The following EXD1 variants were observed in gnomAD, a reference collection of about 807,000 sequenced individuals.
EXD1 encodes the protein exonuclease 3'-5' domain containing 1, also known as piRNA biogenesis protein EXD1.
Under a neutral mutation model 49.1 loss-of-function variants are expected in EXD1, and 63 were observed. The ratio of observed to expected loss-of-function variants is 1.28; its 90% CI spans 1.05 to 1.58. The LOEUF is 1.58. Ranked by LOEUF, EXD1 falls within the 40% of genes most tolerant of loss-of-function variation. The probability of loss-of-function intolerance (pLI) is 0.00; values close to 1 mark genes in which losing one functional copy is unlikely to be tolerated. For missense variants in EXD1, 748 were observed against 666.0 expected (o/e 1.12, Z -1.36); for synonymous variants, 234 against 239.2 (o/e 0.98, Z 0.20).
At chr15:41,225,706 GT>G in intron 2 of EXD1, among the ~76,000 whole-genome samples, 1 of 151,878 alleles carries the variant, frequency 6.6e-6, no homozygotes. Context: ...AACAGGCTGT[GT>G]TTTTGTATTT....
rs1220221996 is a variant in EXD1, at chr15:41,192,604, T to A, written c.721-1019A>T. On this transcript the variant is annotated intron_variant, in intron 9 of 11. Transcript: ENST00000458580. Reference sequence around the variant, plus strand: ...ACCACTGCGCCAGGCATTTTTTTTTTTTTTTTTTTTTTTTTTTTTTTTTTT... The same window carrying A: ...ACCACTGCGCCAGGCATTTTTTTTTATTTTTTTTTTTTTTTTTTTTTTTTT... Among the ~76,000 whole-genome samples, 2 of 91,452 alleles carry A rather than the reference T, an allele frequency of 2.2e-5. 1 individual carries two copies. Among genetic ancestry groups the A allele is most frequent in the Admixed American group, 2.2e-4 (2 of 8,986 alleles). 60.0% of individuals were successfully genotyped at this position (91,452 alleles called of 152,430 possible). A position where few individuals can be genotyped will look rare whatever the true frequency, so the allele number is the denominator to read the frequency against.
At chr15:41,218,486 C>CA (rs35305069) in intron 3 of EXD1, among the ~76,000 whole-genome samples, 15,759 of 78,814 alleles carry the variant, frequency 0.2, 1,399 homozygotes, top group South Asian at 0.37. Context: ...GAATCCGTCT[C>CA]AAAAAAAAAA....
chr15:41,207,070 G>A (rs549189503), intron 7 of EXD1, among the ~76,000 whole-genome samples: 97 of 147,626 alleles, frequency 6.6e-4, no homozygotes, highest in Non-Finnish European at 1.2e-3. Flanking sequence ...GTGAAACCCC[G>A]TCTCTACTAA....
At chr15:41,221,888 T>A (rs1056419847) in intron 2 of EXD1, among the ~76,000 whole-genome samples, 4 of 151,452 alleles carry the variant, frequency 2.6e-5, no homozygotes, top group African/African-American at 9.7e-5. Flanking sequence ...GATCATGAGG[T>A]CAGGAGTTCA....
intron 11 of EXD1, among the ~76,000 whole-genome samples, chr15:41,185,090 T>C (rs1221150873): frequency 6.6e-6 from 1 of 152,206 alleles, no homozygotes; most frequent in Non-Finnish European, 1.5e-5. Flanking sequence ...GAAAAGGCAG[T>C]GAATCCATAG....
intron 7 of EXD1, among the ~76,000 whole-genome samples, chr15:41,199,747 T>TATGAGA (rs558589077): frequency 1.0e-5 from 1 of 99,762 alleles, no homozygotes; most frequent in South Asian, 2.9e-4. Context: ...ATGTCATATA[T>TATGAGA]TATATATGAT....
At chr15:41,198,370 G>A (rs1476072436) in intron 7 of EXD1, among the ~76,000 whole-genome samples, 1 of 152,076 alleles carries the variant, frequency 6.6e-6, no homozygotes, top group Admixed American at 6.6e-5. Flanking sequence ...AATCATTTAT[G>A]CCTACATAAT....
chr15:41,220,025 C>T, intron 2 of EXD1, 127 bp from the exon 3 acceptor site: 1 of 657,976 alleles, frequency 1.5e-6, no homozygotes, highest in South Asian at 2.1e-5. Context: ...AAAAAAATAT[C>T]CAAATCTTCC....
At chr15:41,210,303 G>C (rs1450732754) in intron 6 of EXD1, among the ~76,000 whole-genome samples, 1 of 152,142 alleles carries the variant, frequency 6.6e-6, no homozygotes, top group Non-Finnish European at 1.5e-5. Context: ...AAGGAATATA[G>C]GTGGTGGCTA....
chr15:41,203,831 C>T (rs994642172), intron 7 of EXD1, among the ~76,000 whole-genome samples: 2 of 134,938 alleles, frequency 1.5e-5, no homozygotes, highest in Admixed American at 8.2e-5. Context: ...ACAGGAGAAT[C>T]GCTTGAAACC....
chr15:41,223,788 C>A (rs970397299), intron 2 of EXD1, among the ~76,000 whole-genome samples: 8 of 151,426 alleles, frequency 5.3e-5, no homozygotes, highest in African/African-American at 1.7e-4. Flanking sequence ...TGGCTTGAAC[C>A]CGGGAGGCAA....
Position 41,215,814 on chromosome 15 carries a change from G to A in EXD1, c.408C>T (p.Tyr136=). The A allele has an allele frequency of 1.2e-6, 2 of 1,613,994 alleles. No homozygotes were observed. The highest frequency in any genetic ancestry group is 8.5e-7 in the Non-Finnish European group (1 of 1,179,936). ...TCTGCTGGAATTGATTAATGACTGT[G>A]TATGTCACCTCCTCTTCCTCTACAA... ...YSPSEEEEVT[Y]TVINQFQQKF... Residue 136 remains tyrosine (Y), a synonymous_variant, in exon 6 of 12, where the codon TAC becomes TAT. Transcript: ENST00000458580.
intron 7 of EXD1, among the ~76,000 whole-genome samples, chr15:41,208,582 G>A (rs147774900): frequency 7.3e-5 from 11 of 151,554 alleles, no homozygotes; most frequent in Admixed American, 1.3e-4. Flanking sequence ...GTGAAACCCC[G>A]TCTCTACTAA....
intron 7 of EXD1, among the ~76,000 whole-genome samples, chr15:41,198,574 A>G (rs2046653114): frequency 6.6e-6 from 1 of 151,944 alleles, no homozygotes; most frequent in Non-Finnish European, 1.5e-5. Context: ...CTGTGGTCCC[A>G]GCTACTCGGG....
intron 7 of EXD1, among the ~76,000 whole-genome samples, chr15:41,204,106 G>A (rs369003495): frequency 6.6e-6 from 1 of 150,618 alleles, no homozygotes; most frequent in Non-Finnish European, 1.5e-5. Flanking sequence ...AAATTAGCCA[G>A]GCATGGTGGC....
intron 7 of EXD1, among the ~76,000 whole-genome samples, chr15:41,197,924 C>T (rs965007206): frequency 3.3e-5 from 5 of 151,286 alleles, no homozygotes; most frequent in East Asian, 3.9e-4. Context: ...CTTGGGGGGC[C>T]GAGGCAGGAG....
intron 3 of EXD1, among the ~76,000 whole-genome samples, chr15:41,219,198 T>C (rs1032707714): frequency 1.3e-5 from 2 of 152,216 alleles, no homozygotes; most frequent in African/African-American, 4.8e-5. Context: ...TTGTACTTAC[T>C]CTTGCTAAAT....
chr15:41,209,622 G>T, intron 6 of EXD1, 35 bp from the exon 7 acceptor site: 1 of 1,572,618 alleles, frequency 6.4e-7, no homozygotes, highest in South Asian at 1.1e-5. Flanking sequence ...AAAACTTTCA[G>T]GGAATAAATG....
At chr15:41,220,674 T>C (rs1459735987) in intron 2 of EXD1, among the ~76,000 whole-genome samples, 1 of 152,196 alleles carries the variant, frequency 6.6e-6, no homozygotes, top group African/African-American at 2.4e-5. Flanking sequence ...ATAAGGAAGT[T>C]AGGAGAAGGT....
Sources: allele counts gnomAD v4.1 joint callset (sites outside exome capture counted in the v4.1 genomes callset), GRCh38; gene constraint gnomAD v4.1.1; transcripts MANE v1.5; gene names NCBI Gene and HGNC (gene_info 2026-07-23, HGNC 2026-07-21).